Variants in NUMB observed in about 807,000 individuals in gnomAD.
The protein encoded by NUMB is NUMB endocytic adaptor protein.
Under a neutral mutation model 59.7 loss-of-function variants are expected in NUMB, and 29 were observed. The ratio of observed to expected loss-of-function variants is 0.49; its 90% confidence interval spans 0.36 to 0.66. NUMB has a LOEUF of 0.66. NUMB is among the 30% of genes least tolerant of loss of function. The probability of loss-of-function intolerance (pLI) is 0.00; values close to 1 mark genes in which losing one functional copy is unlikely to be tolerated. For synonymous variants in NUMB, 288 were observed against 288.2 expected (o/e 1.00, Z 0.01); for missense variants, 723 against 822.0 (o/e 0.88, Z 1.47).
chr14:73,396,262 T>G (rs989523238), intron 2 of NUMB, among the ~76,000 whole-genome samples: 2 of 152,002 alleles, frequency 1.3e-5, no homozygotes, highest in Non-Finnish European at 2.9e-5. Flanking sequence ...TGCCCCTCTA[T>G]CCATCCATCT....
chr14:73,455,873 A>C (rs1482267181), intron 1 of NUMB, among the ~76,000 whole-genome samples: 1 of 152,180 alleles, frequency 6.6e-6, no homozygotes, highest in Non-Finnish European at 1.5e-5. Context: ...TTTACGGTAC[A>C]GTGATAAAAA....
chr14:73,333,039 G>A (rs2139953689), intron 4 of NUMB, among the ~76,000 whole-genome samples: 1 of 152,272 alleles, frequency 6.6e-6, no homozygotes, highest in South Asian at 2.1e-4. Context: ...GTGAATAGTA[G>A]TGCTATAAAC....
intron 1 of NUMB, among the ~76,000 whole-genome samples, chr14:73,432,597 T>G (rs1262691514): frequency 6.6e-6 from 1 of 152,126 alleles, no homozygotes; most frequent in Non-Finnish European, 1.5e-5. Context: ...AGCCAAATCA[T>G]ACGGGCAGGA....
At chr14:73,277,786 A>C (rs35461804) in intron 12 of NUMB, among the ~76,000 whole-genome samples, 1 of 151,694 alleles carries the variant, frequency 6.6e-6, no homozygotes, top group Non-Finnish European at 1.5e-5. Context: ...GGCCACGTGC[A>C]GTGGCTTATG....
intron 2 of NUMB, among the ~76,000 whole-genome samples, chr14:73,406,200 T>A (rs992622238): frequency 4.0e-5 from 6 of 151,502 alleles, no homozygotes; most frequent in African/African-American, 1.5e-4. Flanking sequence ...ACCTATTAAC[T>A]CATCATTTAC....
At position 73,433,080 on chromosome 14, in the gene NUMB, G is replaced by A. The variant is rs183694768; in HGVS notation, c.-232-23012C>T. Among the ~76,000 whole-genome samples the A allele has an allele frequency of 3.3e-4, 50 of 152,002 alleles. 1 individual carries two copies. Among genetic ancestry groups the A allele is most frequent in the Admixed American group, 3.1e-3 (47 of 15,240 alleles). The stretch of plus-strand genomic sequence containing the variant: ...AAATTAGCAGGGCATGATGGCACAC[G>A]CCTGTAGTCCCAGCTACTCGGGAGG... On this transcript the variant is annotated intron_variant, in intron 1 of 12. Transcript: ENST00000555238.
chr14:73,418,688 T>C (rs1163181834), intron 1 of NUMB, among the ~76,000 whole-genome samples: 1 of 151,988 alleles, frequency 6.6e-6, no homozygotes, highest in Non-Finnish European at 1.5e-5. Flanking sequence ...AGAGAATCGC[T>C]TGAACCCGGG....
rs1566756859 is a variant in NUMB at position 73,353,069 on chromosome 14, C to CTTTTTTTTTT, written c.126+2556_126+2557insAAAAAAAAAA. Among the ~76,000 whole-genome samples the CTTTTTTTTTT allele has an allele frequency of 1.4e-3, 25 of 18,080 alleles. 1 individual carries two copies. Among genetic ancestry groups the CTTTTTTTTTT allele is most frequent in the Admixed American group, 3.0e-3 (4 of 1,342 alleles). 11.9% of individuals were successfully genotyped at this position (18,080 alleles called of 152,430 possible). A position where few individuals can be genotyped will look rare whatever the true frequency, so the allele number is the denominator to read the frequency against. On this transcript the variant is annotated intron_variant, in intron 4 of 12. Transcript: ENST00000555238. ...CAACTTAATGGATGCCACAGTTTTT[C>CTTTTTTTTTT]TTGTTTTTTTTTTTTTTTTTTTTTT...
intron 2 of NUMB, among the ~76,000 whole-genome samples, chr14:73,389,704 T>C (rs958314340): frequency 5.3e-5 from 8 of 152,214 alleles, no homozygotes; most frequent in African/African-American, 9.6e-5. Context: ...ACTATTCTCA[T>C]GTTCAAAGAT....
chr14:73,384,155 T>TC (rs1303617160), intron 2 of NUMB, among the ~76,000 whole-genome samples: 1 of 151,832 alleles, frequency 6.6e-6, no homozygotes, highest in Non-Finnish European at 1.5e-5. Context: ...AGACAAAATT[T>TC]CTTTTTTTTT....
intron 9 of NUMB, 192 bp downstream of exon 9, chr14:73,286,918 T>C: frequency 1.7e-6 from 1 of 603,612 alleles, no homozygotes; most frequent in East Asian, 2.8e-5. Context: ...TATAATGGAG[T>C]AAATATTTTT....
chr14:73,318,371 T>C (rs1442054573), intron 5 of NUMB, among the ~76,000 whole-genome samples: 1 of 152,254 alleles, frequency 6.6e-6, no homozygotes, highest in Non-Finnish European at 1.5e-5. Flanking sequence ...ACATTTGTTA[T>C]GATTCTTTTA....
chr14:73,414,272 TCCAAGTATTACAG>T (rs1287421393), intron 1 of NUMB, among the ~76,000 whole-genome samples: 1 of 152,114 alleles, frequency 6.6e-6, no homozygotes, highest in Non-Finnish European at 1.5e-5. Context: ...TACTCTTAAT[TCCAAGTATTACAG>T]CCTTAAGTTT....
chr14:73,278,156 A>AT (rs536323751), intron 12 of NUMB, among the ~76,000 whole-genome samples: 308 of 151,916 alleles, frequency 2.0e-3, no homozygotes, highest in Non-Finnish European at 1.5e-3. Flanking sequence ...TGACCTGGCC[A>AT]TATCTTGCTG....
At position 73,279,291 on chromosome 14, in the gene NUMB, G is replaced by A. The variant is rs774885528; in HGVS notation, c.1230C>T (p.Ala410=). The change falls in exon 12 of 13, where the codon GCC becomes GCT. Residue 410 remains alanine (A), a synonymous_variant. Transcript: ENST00000555238. ...APDAANKEIA[A]TCSGTEWGQS... ...CTGTGGCCACCTTACCCGAACATGT[G>A]GCTGCAATTTCCTTGTTAGCAGCAT... The A allele has an allele frequency of 6.2e-7, 1 of 1,614,114 alleles. No homozygotes were observed. The highest frequency in any genetic ancestry group is 1.1e-5 in the South Asian group (1 of 91,078).
At chr14:73,292,102 G>A (rs535054555) in intron 8 of NUMB, among the ~76,000 whole-genome samples, 9 of 152,132 alleles carry the variant, frequency 5.9e-5, no homozygotes, top group Non-Finnish European at 1.3e-4. Context: ...GTAATGGCAC[G>A]ATGACTCACT....
intron 4 of NUMB, among the ~76,000 whole-genome samples, chr14:73,350,172 T>G (rs1893160443): frequency 7.3e-6 from 1 of 136,462 alleles, no homozygotes; most frequent in African/African-American, 2.8e-5. Flanking sequence ...AAACTAGGTG[T>G]CTTTTTTTTT....
intron 1 of NUMB, among the ~76,000 whole-genome samples, chr14:73,437,536 T>C (rs1184581112): frequency 1.3e-5 from 2 of 152,208 alleles, no homozygotes; most frequent in African/African-American, 4.8e-5. Flanking sequence ...CTATTGATTA[T>C]GGTTTCCTCA....
At chr14:73,351,169 T>A (rs951651317) in intron 4 of NUMB, among the ~76,000 whole-genome samples, 5 of 152,160 alleles carry the variant, frequency 3.3e-5, no homozygotes, top group African/African-American at 1.2e-4. Flanking sequence ...TATAAATACA[T>A]ACATTTTTAA....
Sources: allele counts gnomAD v4.1 joint callset (sites outside exome capture counted in the v4.1 genomes callset), GRCh38; gene constraint gnomAD v4.1.1; transcripts MANE v1.5; gene names NCBI Gene and HGNC (gene_info 2026-07-23, HGNC 2026-07-21).